The following ADGRA2 variants were observed in gnomAD, a reference collection of about 807,000 sequenced individuals.
ADGRA2 encodes adhesion G protein-coupled receptor A2, also known as G-protein coupled receptor 124.
ADGRA2 carries 61 observed loss-of-function variants against 98.7 expected under a neutral mutation model. That is an observed-to-expected ratio of 0.62 (90% CI 0.50 to 0.76). ADGRA2 has a LOEUF of 0.76. Ranked by LOEUF, ADGRA2 falls within the 30% of genes least tolerant of loss-of-function variation. ADGRA2 has a pLI of 0.00. For synonymous variants in ADGRA2, 858 were observed against 831.5 expected (o/e 1.03, Z -0.55); for missense variants, 1,712 against 1,860.0 (o/e 0.92, Z 1.46).
intron 2 of ADGRA2, among the ~76,000 whole-genome samples, chr8:37,825,934 C>T (rs1380350666): frequency 3.3e-5 from 5 of 152,136 alleles, no homozygotes; most frequent in Non-Finnish European, 5.9e-5. Context: ...AGGGAGAAGG[C>T]ATGCCCACCC....
intron 2 of ADGRA2, 59 bp from the exon 3 acceptor site, chr8:37,828,828 CG>C: frequency 2.2e-6 from 3 of 1,385,028 alleles, no homozygotes; most frequent in Non-Finnish European, 2.0e-6. Context: ...GGACCCCTCC[CG>C]GGGAGCAGGG....
At chr8:37,833,499 C>CT (rs767077196) in intron 9 of ADGRA2, among the ~76,000 whole-genome samples, 189 bp from the exon 10 acceptor site, 11 of 152,232 alleles carry the variant, frequency 7.2e-5, no homozygotes, top group Non-Finnish European at 1.2e-4. Context: ...ACCAGGGGTG[C>CT]TGGCAGTGGT....
chr8:37,830,086 G>T lies in ADGRA2; in HGVS notation c.718+72G>T. 9.6e-7 allele frequency: 1 copy of T among 1,043,932 alleles called. No homozygotes were observed. Among genetic ancestry groups the T allele is most frequent in the South Asian group, 1.7e-5 (1 of 59,120 alleles). The allele number at this position is 1,043,932 out of a possible 1,614,324, so 64.7% of individuals were successfully genotyped here. A position where few individuals can be genotyped will look rare whatever the true frequency, so the allele number is the denominator to read the frequency against. On this transcript the variant is annotated intron_variant, in intron 6 of 18. Transcript: ENST00000412232. The surrounding 1 kb of genome is among the most constrained non-coding windows in gnomAD (Gnocchi z 4.8). ...CCACCAACCCAGGGCCCAGACACGA[G>T]CCTCCCCTCAGACCCACAGGTTTTT...
At position 37,841,686 on chromosome 8, in the gene ADGRA2, C is replaced by T; in HGVS notation, c.3348C>T (p.Ser1116=). ...GSPVFGEGPP[S]LKSSPSGSSG... is the part of the protein sequence containing the mutation. ...CGGTGTTCGGGGAGGGCCCCCCCTC[C>T]CTCAAGTCCTCCCCAAGCGGCAGCA... Residue 1116 remains serine (S), a synonymous_variant, in exon 19 of 19, where the codon TCC becomes TCT. Coordinates refer to ENST00000412232, the MANE Select transcript of ADGRA2 (RefSeq NM_032777.10). The surrounding 1 kb of genome is among the most constrained non-coding windows in gnomAD (Gnocchi z 5.0). 6.5e-7 allele frequency: 1 copy of T among 1,534,908 alleles called. No individual in the cohort carries two copies. The highest frequency in any genetic ancestry group is 8.8e-7 in the Non-Finnish European group (1 of 1,140,746).
chr8:37,806,514 T>TTTTTTC (rs1446882774), intron 1 of ADGRA2, among the ~76,000 whole-genome samples: 33 of 126,756 alleles, frequency 2.6e-4, no homozygotes, highest in Admixed American at 5.3e-4. Context: ...TTTCTTTTTC[T>TTTTTTC]TTTTTCTTTT....
chr8:37,799,927 A>G (rs987476383), intron 1 of ADGRA2, among the ~76,000 whole-genome samples: 4 of 152,006 alleles, frequency 2.6e-5, no homozygotes, highest in African/African-American at 4.8e-5. Context: ...GCACCCCCCA[A>G]TCCCCACCAG....
chr8:37,835,496 A>G (rs1805583174), intron 12 of ADGRA2, 58 bp from the exon 13 acceptor site: 48 of 1,491,738 alleles, frequency 3.2e-5, no homozygotes, highest in Non-Finnish European at 4.5e-5. Context: ...AGGGGGCTGC[A>G]AGACATCAGT....
At chr8:37,839,320 T>C (rs1268866376) in intron 15 of ADGRA2, 179 bp from the exon 16 acceptor site, 51 of 797,096 alleles carry the variant, frequency 6.4e-5, no homozygotes, top group Non-Finnish European at 7.7e-5. Flanking sequence ...CTCTCACCCA[T>C]TGGGGTTGGA....
At chr8:37,822,096 A>T (rs1286451007) in intron 2 of ADGRA2, among the ~76,000 whole-genome samples, 3 of 152,130 alleles carry the variant, frequency 2.0e-5, no homozygotes, top group Non-Finnish European at 4.4e-5. Context: ...GGCATGGGGT[A>T]CATGCTCAAT....
chr8:37,844,686 G>A lies in ADGRA2; in HGVS notation c.*2331G>A. 6.2e-7 allele frequency: 1 copy of A among 1,614,108 alleles called. No homozygotes were observed. Among genetic ancestry groups the A allele is most frequent in the Non-Finnish European group, 8.5e-7 (1 of 1,180,036 alleles). On this transcript the variant is annotated 3_prime_UTR_variant, in exon 19 of 19. Coordinates refer to ENST00000412232, the MANE Select transcript of ADGRA2 (RefSeq NM_032777.10). ...CAACATGCAGGGTGGCAAGAGAAGG[G>A]CAGGACTGGCCGGCCGCTTCCCCTG...
rs1482683786 is a variant in ADGRA2, at chr8:37,832,868, C to G, written c.1098-142C>G. ...GAACAAAGAGAGTGGAACTTGGGAACCCCTGGAAGGCTGGTCTGAACCCCG... is the reference window on the plus strand; with the variant it reads ...GAACAAAGAGAGTGGAACTTGGGAAGCCCTGGAAGGCTGGTCTGAACCCCG... On this transcript the variant is annotated intron_variant, in intron 8 of 18. Transcript: ENST00000412232. 3 of 674,536 alleles carry G rather than the reference C, an allele frequency of 4.4e-6. No homozygotes were observed. In the South Asian group the frequency reaches 5.2e-5, roughly 12 times the overall value. 41.8% of individuals were successfully genotyped at this position (674,536 alleles called of 1,614,324 possible).
chr8:37,835,752 G>A lies in ADGRA2; in HGVS notation c.2032G>A (p.Val678Ile), dbSNP rs765333292. The A allele has an allele frequency of 1.9e-5, 31 of 1,611,390 alleles. No homozygotes were observed. The highest frequency in any genetic ancestry group is 1.7e-4 in the Middle Eastern group (1 of 5,988). The change falls in exon 13 of 19, where the codon GTC (valine) becomes ATC (isoleucine). Residue 678 changes from valine (V) to isoleucine (I), a missense_variant. Val to Ile is a conservative substitution (Grantham distance 29). Transcript: ENST00000412232. ...PGKRRGVATPVIFAGTSGCGV... is the reference protein window; with the variant it reads ...PGKRRGVATPIIFAGTSGCGV... ...CAAGAGGCGTGGCGTGGCCACCCCC[G>A]TCATCTTCGCAGGAACCAGTAAGGG...
intron 2 of ADGRA2, among the ~76,000 whole-genome samples, chr8:37,828,640 A>ATTT (rs148517222): frequency 3.0e-5 from 4 of 134,776 alleles, no homozygotes; most frequent in African/African-American, 1.1e-4. Flanking sequence ...CACCTGGCTA[A>ATTT]TTTTTTTTTT....
rs776152455 is a variant in ADGRA2, at chr8:37,835,312, G to A, written c.1747G>A (p.Glu583Lys). 1.1e-4 allele frequency: 176 copies of A among 1,613,506 alleles called. No individual in the cohort carries two copies. Among genetic ancestry groups the A allele is most frequent in the Non-Finnish European group, 1.4e-4 (166 of 1,179,964 alleles). Reference sequence around the variant, plus strand: ...AAGCCCTGGCCAGAACCCCCCACCTGAGCCCGAGCCCCCAGCTGACCAGCA... The same window carrying A: ...AAGCCCTGGCCAGAACCCCCCACCTAAGCCCGAGCCCCCAGCTGACCAGCA... ...PGSPGQNPPP[E>K]PEPPADQQLR... Residue 583 changes from glutamate to lysine, a missense_variant, in exon 12 of 19, where the codon GAG becomes AAG. Glu to Lys is a moderately conservative substitution (Grantham distance 56). Coordinates refer to ENST00000412232, the MANE Select transcript of ADGRA2 (RefSeq NM_032777.10).
At chr8:37,826,717 A>G (rs1245812034) in intron 2 of ADGRA2, among the ~76,000 whole-genome samples, 2 of 151,958 alleles carry the variant, frequency 1.3e-5, no homozygotes, top group Non-Finnish European at 2.9e-5. Context: ...CTGAACACCC[A>G]TTTCCTCTCC....
At chr8:37,804,271 G>A (rs1804597586) in intron 1 of ADGRA2, among the ~76,000 whole-genome samples, 1 of 152,194 alleles carries the variant, frequency 6.6e-6, no homozygotes, top group Admixed American at 6.5e-5. Context: ...CACATCTCCA[G>A]GAGAAAGGAA....
rs906291045 is a variant in ADGRA2 at position 37,802,565 on chromosome 8, A to G, written c.266+5031A>G. On this transcript the variant is annotated intron_variant, in intron 1 of 18. Transcript: ENST00000412232. The surrounding 1 kb of genome is among the most constrained non-coding windows in gnomAD (Gnocchi z 4.7). ...CTCCCCACCCAGGGGTGCAGGTCTT[A>G]GCTGCGGCACCCCCACCCGGGCTCC... Among the ~76,000 whole-genome samples, 2 of 152,180 alleles carry G rather than the reference A, an allele frequency of 1.3e-5. No individual in the cohort carries two copies. Among genetic ancestry groups the G allele is most frequent in the African/African-American group, 4.8e-5 (2 of 41,452 alleles).
chr8:37,819,922 C>T (rs1033919200), intron 2 of ADGRA2, among the ~76,000 whole-genome samples: 2 of 150,152 alleles, frequency 1.3e-5, no homozygotes, highest in Non-Finnish European at 1.5e-5. Context: ...CTGCCCACCT[C>T]AGCCTCCCAA....
At chr8:37,804,300 G>C (rs1804598434) in intron 1 of ADGRA2, among the ~76,000 whole-genome samples, 1 of 152,210 alleles carries the variant, frequency 6.6e-6, no homozygotes, top group South Asian at 2.1e-4. Context: ...AAGACAGAGA[G>C]ATCTGGAGAC....
Sources: allele counts gnomAD v4.1 joint callset (sites outside exome capture counted in the v4.1 genomes callset), GRCh38; gene constraint gnomAD v4.1.1; non-coding constraint Gnocchi (gnomAD v3.1); transcripts MANE v1.5; gene names NCBI Gene and HGNC (gene_info 2026-07-23, HGNC 2026-07-21).